MLIP: variants seen among roughly 807,000 people sequenced by gnomAD.
The protein encoded by MLIP is muscular LMNA interacting protein.
In MLIP, 79 loss-of-function variants were observed where a neutral mutation model predicts 84.8. The ratio of observed to expected loss-of-function variants is 0.93; its 90% CI spans 0.78 to 1.12. The LOEUF is 1.12. MLIP is among the 50% of genes most tolerant of loss of function. The pLI, the probability that MLIP is intolerant of heterozygous loss-of-function variation, is 0.00. For synonymous variants in MLIP, 504 were observed against 463.0 expected (o/e 1.09, Z -1.14); for missense variants, 1,257 against 1,160.6 (o/e 1.08, Z -1.21).
chr6:54,263,720 T>A (rs546301126), intron 13 of MLIP, among the ~76,000 whole-genome samples: 46 of 151,296 alleles, frequency 3.0e-4, no homozygotes, highest in Non-Finnish European at 5.6e-4. Flanking sequence ...ACTCTGAATT[T>A]AAAAAAAAAC....
upstream of MLIP, among the ~76,000 whole-genome samples, chr6:54,109,046 C>CAT (rs35182047): frequency 0.56 from 83,242 of 147,990 alleles, 24,952 homozygotes; most frequent in South Asian, 0.71. Flanking sequence ...TTTATGTCTT[C>CAT]ATATATATAT....
chr6:54,165,275 C>A (rs1057388999), intron 8 of MLIP, among the ~76,000 whole-genome samples: 27 of 151,882 alleles, frequency 1.8e-4, no homozygotes, highest in Non-Finnish European at 2.8e-4. Flanking sequence ...GACCCTGACT[C>A]TATTTCTGCC....
At chr6:54,146,060 C>A (rs1772797749) in intron 4 of MLIP, among the ~76,000 whole-genome samples, 1 of 151,948 alleles carries the variant, frequency 6.6e-6, no homozygotes, top group East Asian at 1.9e-4. Context: ...AAAGATAATG[C>A]CTAAAGCCCT....
intron 9 of MLIP, among the ~76,000 whole-genome samples, chr6:54,187,960 T>A (rs544640967): frequency 3.9e-5 from 6 of 152,180 alleles, no homozygotes; most frequent in Non-Finnish European, 7.3e-5. Context: ...TGAGCCGAGA[T>A]TGCACCACTG....
intron 1 of MLIP, among the ~76,000 whole-genome samples, chr6:54,021,388 G>C (rs1763491698): frequency 6.6e-6 from 1 of 152,054 alleles, no homozygotes. Context: ...TCTTTATTAT[G>C]AACAGTGCTA....
chr6:54,181,829 C>T (rs1776902157), intron 9 of MLIP, among the ~76,000 whole-genome samples: 1 of 152,180 alleles, frequency 6.6e-6, no homozygotes, highest in African/African-American at 2.4e-5. Flanking sequence ...GTAATGGGGG[C>T]ATCATAGCTC....
intron 13 of MLIP, among the ~76,000 whole-genome samples, chr6:54,260,881 G>C (rs1405394383): frequency 6.6e-6 from 1 of 151,782 alleles, no homozygotes; most frequent in Non-Finnish European, 1.5e-5. Flanking sequence ...GGAGGCTTAG[G>C]GCATTCCAAA....
intron 12 of MLIP, among the ~76,000 whole-genome samples, chr6:54,251,687 AATATATATTATAACATATGATAC>A (rs1414266422): frequency 1.3e-3 from 129 of 99,216 alleles, no homozygotes; most frequent in Admixed American, 2.6e-3. Context: ...ATATAATATA[AATATATATTATAACATATGATAC>A]ATATATATTA....
intron 1 of MLIP, among the ~76,000 whole-genome samples, chr6:54,038,811 C>T (rs1211181988): frequency 6.6e-6 from 1 of 151,756 alleles, no homozygotes; most frequent in African/African-American, 2.4e-5. Context: ...ATTTTCTTAT[C>T]CAGCAAACAA....
intron 1 of MLIP, among the ~76,000 whole-genome samples, chr6:54,042,323 C>T (rs970565798): frequency 3.3e-5 from 5 of 152,092 alleles, no homozygotes; most frequent in African/African-American, 1.2e-4. Context: ...GTAGCAGTTC[C>T]TATCTGCTTT....
At chr6:54,023,638 C>T (rs1392334524) in intron 1 of MLIP, among the ~76,000 whole-genome samples, 2 of 152,082 alleles carry the variant, frequency 1.3e-5, no homozygotes, top group Non-Finnish European at 2.9e-5. Flanking sequence ...GGTGCGATCT[C>T]GGCTCACTGC....
chr6:54,102,391 A>T (rs1222878857), intron 1 of MLIP, among the ~76,000 whole-genome samples: 1 of 152,132 alleles, frequency 6.6e-6, no homozygotes, highest in Admixed American at 6.6e-5. Context: ...GTGACAGACT[A>T]TGGTTGCCAA....
intron 12 of MLIP, among the ~76,000 whole-genome samples, chr6:54,241,392 T>G (rs1017489617): frequency 5.9e-5 from 9 of 151,886 alleles, no homozygotes; most frequent in Non-Finnish European, 1.2e-4. Flanking sequence ...TTATGAAATA[T>G]TGGGTTTAGC....
chr6:54,173,004 T>C (rs940574162), intron 9 of MLIP, among the ~76,000 whole-genome samples: 1 of 151,652 alleles, frequency 6.6e-6, no homozygotes, highest in African/African-American at 2.4e-5. Context: ...ACTAGCAGGG[T>C]TGGTTAATTT....
chr6:54,246,607 G>A (rs577493641), intron 12 of MLIP, among the ~76,000 whole-genome samples: 11 of 151,938 alleles, frequency 7.2e-5, no homozygotes, highest in East Asian at 1.9e-4. Context: ...AGATTATCTC[G>A]CTACATAACC....
intron 10 of MLIP, among the ~76,000 whole-genome samples, chr6:54,190,802 T>C (rs1777835989): frequency 2.0e-5 from 3 of 151,166 alleles, no homozygotes; most frequent in Non-Finnish European, 1.5e-5. Context: ...TTTTCTTTTT[T>C]TTTTTTTTTT....
chr6:54,220,242 C>G (rs1309614003), intron 11 of MLIP, among the ~76,000 whole-genome samples: 1 of 152,020 alleles, frequency 6.6e-6, no homozygotes, highest in Non-Finnish European at 1.5e-5. Context: ...TGAGTTTTAA[C>G]TAATAATTGC....
At position 54,124,683 on chromosome 6, in the gene MLIP, A is replaced by C. The variant is rs1332125238; in HGVS notation, c.463A>C (p.Arg155=). 6.2e-7 allele frequency: 1 copy of C among 1,614,208 alleles called. No homozygotes were observed. Among genetic ancestry groups the C allele is most frequent in the South Asian group, 1.1e-5 (1 of 91,084 alleles). The change falls in exon 3 of 14, where the codon AGA becomes CGA. Residue 155 remains arginine, a synonymous_variant. Coordinates refer to ENST00000502396, the MANE Select transcript of MLIP (RefSeq NM_001281747.2). Reference sequence around the variant, plus strand: ...CGAAGGGGAAGATGAGGCTGCAAGCAGAAAAGTTGAACAAGGCCCCCCAGG... The same window carrying C: ...CGAAGGGGAAGATGAGGCTGCAAGCCGAAAAGTTGAACAAGGCCCCCCAGG... ...DSEGEDEAAS[R]KVEQGPPGGI...
chr6:54,019,956 T>C (rs376170900), intron 1 of MLIP, among the ~76,000 whole-genome samples: 5 of 152,172 alleles, frequency 3.3e-5, no homozygotes, highest in East Asian at 1.9e-4. Flanking sequence ...CTTAAAGTAA[T>C]ATATTTAATA....
Sources: gnomAD v4.1 joint callset for allele counts (sites outside exome capture counted in the v4.1 genomes callset) on GRCh38, gnomAD v4.1.1 for gene constraint, MANE v1.5 for transcripts, NCBI Gene and HGNC (gene_info 2026-07-23, HGNC 2026-07-21) for gene names.